The following NRG1 variants were observed in gnomAD, a reference collection of about 807,000 sequenced individuals.
The protein encoded by NRG1 is neuregulin 1, also known as pro-neuregulin-1, membrane-bound isoform.
NRG1 carries 18 observed loss-of-function variants against 63.8 expected under a neutral mutation model. That is an observed-to-expected ratio of 0.28 (90% CI 0.19 to 0.42). The LOEUF is 0.42. Ranked by LOEUF, NRG1 falls within the 10% of genes least tolerant of loss-of-function variation. The pLI is 1.00. For synonymous variants in NRG1, 302 were observed against 301.3 expected, an observed-to-expected ratio of 1.00 and a Z score of -0.02; for missense variants, 762 against 814.7, an observed-to-expected ratio of 0.94 and a Z score of 0.79.
chr8:31,988,060 T>C (rs1165392101), intron 1 of NRG1, among the ~76,000 whole-genome samples: 2 of 152,138 alleles, frequency 1.3e-5, no homozygotes, highest in African/African-American at 4.8e-5. Context: ...CTAACTGTAA[T>C]AGTACTTTGT....
intron 1 of NRG1, among the ~76,000 whole-genome samples, chr8:31,754,695 G>A (rs1392171902): frequency 6.6e-6 from 1 of 151,966 alleles, no homozygotes; most frequent in Non-Finnish European, 1.5e-5. Flanking sequence ...TTCCATCTAA[G>A]CAGCTGGAAC....
Position 32,172,212 on chromosome 8 carries a change from C to T in NRG1, c.38-423616C>T, listed in dbSNP as rs79959047. Among the ~76,000 whole-genome samples the T allele has an allele frequency of 5.2e-3, 792 of 152,228 alleles. 2 individuals are homozygous for T. The highest frequency in any genetic ancestry group is 8.2e-3 in the Non-Finnish European group (560 of 68,018). ...CCAGTATCTGCTGTTCTGCAGCCTCCGCTGCTGATACCCAGGCAAACAGGG... is the reference window on the plus strand; with the variant it reads ...CCAGTATCTGCTGTTCTGCAGCCTCTGCTGCTGATACCCAGGCAAACAGGG... On this transcript the variant is annotated intron_variant, in intron 1 of 10. Transcript: ENST00000519301.
rs376743930 is a variant in NRG1 at position 32,190,173 on chromosome 8, GTAT to G, written c.38-405631_38-405629del. Among the ~76,000 whole-genome samples the G allele has an allele frequency of 2.4e-3, 362 of 150,098 alleles. 1 individual carries two copies. The highest frequency in any genetic ancestry group is 4.8e-3 in the African/African-American group (197 of 40,922). ...TCTGCCTAAATCCTTTTATCAAAAT[GTAT>G]TATTATTATTATTATTATTATTAAT... is the stretch of plus-strand genomic sequence containing the variant. On this transcript the variant is annotated intron_variant, in intron 1 of 10. Transcript: ENST00000519301.
chr8:32,226,308 T>C (rs1032817125), intron 1 of NRG1, among the ~76,000 whole-genome samples: 1 of 152,206 alleles, frequency 6.6e-6, no homozygotes, highest in Non-Finnish European at 1.5e-5. Flanking sequence ...GAACATCTAT[T>C]ACTCAAATTT....
chr8:31,964,831 T>C (rs939113141), intron 1 of NRG1, among the ~76,000 whole-genome samples: 1 of 152,192 alleles, frequency 6.6e-6, no homozygotes, highest in African/African-American at 2.4e-5. Flanking sequence ...TTAAGTTACT[T>C]GTCTAGAGAC....
intron 1 of NRG1, among the ~76,000 whole-genome samples, chr8:32,541,855 A>T (rs1029594130): frequency 1.3e-5 from 2 of 152,214 alleles, no homozygotes; most frequent in Non-Finnish European, 2.9e-5. Flanking sequence ...TAGAGAGATT[A>T]AATCGAAACT....
At chr8:32,226,630 T>C (rs7839084) in intron 1 of NRG1, among the ~76,000 whole-genome samples, 113,941 of 152,004 alleles carry the variant, frequency 0.75, 43,800 homozygotes, top group African/African-American at 0.91. Context: ...GTCTCCTCTT[T>C]GGTGATTAAA....
intron 1 of NRG1, among the ~76,000 whole-genome samples, chr8:31,890,801 C>T (rs377259250): frequency 6.6e-6 from 1 of 152,100 alleles, no homozygotes; most frequent in African/African-American, 2.4e-5. Flanking sequence ...GGACAGTGAC[C>T]TAATGTTCGG....
At chr8:32,581,871 G>A (rs1225610318) in intron 1 of NRG1, among the ~76,000 whole-genome samples, 1 of 152,080 alleles carries the variant, frequency 6.6e-6, no homozygotes, top group Non-Finnish European at 1.5e-5. Context: ...AATACTATTA[G>A]CTAAACTGCA....
intron 1 of NRG1, among the ~76,000 whole-genome samples, chr8:32,128,895 G>C (rs1834444030): frequency 6.6e-6 from 1 of 151,800 alleles, no homozygotes; most frequent in South Asian, 2.1e-4. Context: ...TTGCTTTTCA[G>C]AGCTTGGCCA....
At chr8:31,761,863 T>C (rs965952870) in intron 1 of NRG1, among the ~76,000 whole-genome samples, 3 of 152,194 alleles carry the variant, frequency 2.0e-5, no homozygotes, top group African/African-American at 7.2e-5. Flanking sequence ...ACTTGCTGAA[T>C]GCAGGGTTGC....
chr8:32,180,222 C>G (rs1206413384), intron 1 of NRG1, among the ~76,000 whole-genome samples: 1 of 152,154 alleles, frequency 6.6e-6, no homozygotes, highest in Non-Finnish European at 1.5e-5. Context: ...TCTTACACAT[C>G]TCATTCTCTA....
intron 1 of NRG1, among the ~76,000 whole-genome samples, chr8:32,083,010 G>C (rs1827696747): frequency 6.6e-6 from 1 of 152,110 alleles, no homozygotes; most frequent in Non-Finnish European, 1.5e-5. Context: ...TTAAACTGCT[G>C]ACCTTCCTGT....
intron 1 of NRG1, among the ~76,000 whole-genome samples, chr8:32,557,354 T>C (rs947962824): frequency 2.6e-5 from 4 of 152,190 alleles, no homozygotes; most frequent in Admixed American, 1.3e-4. Context: ...TTTTATATCT[T>C]TTGGTATTTT....
intron 1 of NRG1, among the ~76,000 whole-genome samples, chr8:32,014,931 C>T (rs143647877): frequency 3.9e-5 from 6 of 152,142 alleles, no homozygotes; most frequent in African/African-American, 1.4e-4. Context: ...GATCCAGCTA[C>T]AAGCCAAGGA....
intron 1 of NRG1, among the ~76,000 whole-genome samples, chr8:32,089,713 C>T (rs1050413459): frequency 3.9e-5 from 6 of 152,084 alleles, no homozygotes; most frequent in Middle Eastern, 3.2e-3. Context: ...CAGAAACGCT[C>T]ATACATTAAA....
intron 1 of NRG1, among the ~76,000 whole-genome samples, chr8:31,757,914 T>C (rs1472181198): frequency 6.6e-6 from 1 of 152,034 alleles, no homozygotes; most frequent in African/African-American, 2.4e-5. Flanking sequence ...TTTCAGAAAA[T>C]TCCTCATGCC....
rs1293619761 is a variant in NRG1, at chr8:32,742,665, C to A, written c.633-10C>A. On this transcript the variant is annotated splice_polypyrimidine_tract_variant and intron_variant, in intron 6 of 11. Transcript: ENST00000356819. The surrounding 1 kb of genome is among the most constrained non-coding windows in gnomAD (Gnocchi z 4.2). ...TTTTTCTACCATTGTTTTTTTGTTT[C>A]TTCTCTCAGGTGCCCAAATGAGTTT... is the stretch of plus-strand genomic sequence containing the variant. 1 of 1,610,296 alleles carries A rather than the reference C, an allele frequency of 6.2e-7. No individual in the cohort carries two copies. The highest frequency in any genetic ancestry group is 8.5e-7 in the Non-Finnish European group (1 of 1,178,224).
intron 1 of NRG1, among the ~76,000 whole-genome samples, chr8:31,650,297 G>C (rs1222679910): frequency 1.3e-5 from 2 of 152,076 alleles, no homozygotes; most frequent in African/African-American, 4.8e-5. Context: ...ACTTTTCTTA[G>C]GCCTTGTTCC....
Sources: allele counts gnomAD v4.1 joint callset (sites outside exome capture counted in the v4.1 genomes callset), GRCh38; gene constraint gnomAD v4.1.1; non-coding constraint Gnocchi (gnomAD v3.1); transcripts MANE v1.5; gene names NCBI Gene and HGNC (gene_info 2026-07-23, HGNC 2026-07-21).